The following CYFIP1 variants were observed in gnomAD, a reference collection of about 807,000 sequenced individuals.
CYFIP1 encodes the protein cytoplasmic FMR1-interacting protein 1.
In CYFIP1, 58 loss-of-function variants were observed where a neutral mutation model predicts 163.5. That is an observed-to-expected ratio of 0.35 (90% confidence interval 0.29 to 0.44). CYFIP1 has a LOEUF of 0.44. CYFIP1 is among the 20% of genes least tolerant of loss of function. The pLI, the probability that CYFIP1 is intolerant of heterozygous loss-of-function variation, is 1.00. For synonymous variants in CYFIP1, 663 were observed against 660.7 expected, an observed-to-expected ratio of 1.00 and a Z score of -0.05; for missense variants, 1,338 against 1,653.8, an observed-to-expected ratio of 0.81 and a Z score of 3.31.
At chr15:22,942,418 G>A (rs1179601232) in intron 6 of CYFIP1, among the ~76,000 whole-genome samples, 1 of 151,704 alleles carries the variant, frequency 6.6e-6, no homozygotes, top group Admixed American at 6.5e-5. Context: ...CAGAGCAAGA[G>A]CATCAGGAGA....
At chr15:22,911,098 T>C (rs1298265100) in intron 18 of CYFIP1, among the ~76,000 whole-genome samples, 1 of 151,944 alleles carries the variant, frequency 6.6e-6, no homozygotes, top group African/African-American at 2.4e-5. Flanking sequence ...TCCTGGCTAC[T>C]CGGGAGGCTA....
intron 22 of CYFIP1, among the ~76,000 whole-genome samples, chr15:22,902,816 C>T (rs535271285): frequency 6.6e-6 from 1 of 152,172 alleles, no homozygotes; most frequent in Admixed American, 6.5e-5. Flanking sequence ...GGTCCTGCAC[C>T]CAGGGGTCCT....
chr15:22,951,139 G>C (rs906247740), intron 1 of CYFIP1, among the ~76,000 whole-genome samples: 30 of 152,214 alleles, frequency 2.0e-4, no homozygotes, highest in African/African-American at 4.1e-4. Flanking sequence ...CCCCAATGGC[G>C]GCTGGAGACG....
At position 22,868,149 on chromosome 15, in the gene CYFIP1, G is replaced by A. The variant is rs376349866; in HGVS notation, c.*1879C>T. The A allele has an allele frequency of 1.3e-5, 2 of 152,226 alleles. No individual in the cohort carries two copies. The highest frequency in any genetic ancestry group is 3.8e-4 in the East Asian group (2 of 5,204). 9.4% of individuals were successfully genotyped at this position (152,226 alleles called of 1,614,324 possible). A position where few individuals can be genotyped will look rare whatever the true frequency, so the allele number is the denominator to read the frequency against. ...TATCCCATGCAGCTCACCACTGGCT[G>A]CGTGGAAACTCCCTTTTTTCCAACT... On this transcript the variant is annotated 3_prime_UTR_variant, in exon 31 of 31. Transcript: ENST00000617928.
chr15:22,916,364 C>T, intron 16 of CYFIP1, 113 bp downstream of exon 16: 2 of 789,902 alleles, frequency 2.5e-6, no homozygotes, highest in Non-Finnish European at 4.1e-6. Flanking sequence ...GAGTCACCGT[C>T]TGGGTGCACC....
intron 16 of CYFIP1, among the ~76,000 whole-genome samples, chr15:22,915,513 G>A (rs2060943126): frequency 6.6e-6 from 1 of 152,132 alleles, no homozygotes; most frequent in South Asian, 2.1e-4. Flanking sequence ...CACTTTGGGA[G>A]GCCGAGGCGG....
chr15:22,906,376 G>C (rs563147479), intron 21 of CYFIP1, among the ~76,000 whole-genome samples: 1 of 151,900 alleles, frequency 6.6e-6, no homozygotes, highest in African/African-American at 2.4e-5. Flanking sequence ...CAAAAGTGCT[G>C]GGATTACAGG....
chr15:22,977,853 CAT>C (rs2063329241), intron 1 of CYFIP1, among the ~76,000 whole-genome samples: 1 of 151,896 alleles, frequency 6.6e-6, no homozygotes, highest in African/African-American at 2.4e-5. Flanking sequence ...AATAAAATAA[CAT>C]AACATAAAAG....
At chr15:22,936,230 C>T (rs1019061584) in intron 9 of CYFIP1, among the ~76,000 whole-genome samples, 13 of 152,060 alleles carry the variant, frequency 8.5e-5, no homozygotes, top group African/African-American at 2.7e-4. Context: ...AGAGCGAGGG[C>T]CTGTCTCAAA....
In CYFIP1 at chr15:22,903,707, G is replaced by C; in HGVS notation, c.2587C>G (p.Arg863Gly). 1 of 1,613,260 alleles carries C rather than the reference G, an allele frequency of 6.2e-7. No homozygotes were observed. The highest frequency in any genetic ancestry group is 8.5e-7 in the Non-Finnish European group (1 of 1,179,964). Residue 863 changes from arginine (R) to glycine (G), a missense_variant and splice_region_variant, in exon 22 of 31, where the codon CGG (arginine) becomes GGG (glycine). Arg to Gly is a moderately radical substitution (Grantham distance 125, BLOSUM62 -2). Around this residue, in one of 4 missense-constraint regions of CYFIP1, gnomAD observed 824 missense variants for 995.7 expected, o/e 0.83. Transcript: ENST00000617928. ...CGCCTGTGTGGCGGGCACGCTCACC[G>C]GTTGGTAGAGCCGTTGTAGCAGTAG... Reference protein sequence around the residue: ...PNYCYNGSTNRFVRTVLPFSQ... With the variant: ...PNYCYNGSTNGFVRTVLPFSQ...
chr15:22,944,805 T>TGTGGCAGGGGC (rs1176196074), intron 4 of CYFIP1, 57 bp downstream of exon 4: 2 of 1,571,870 alleles, frequency 1.3e-6, no homozygotes. Flanking sequence ...AGGGGTGTGG[T>TGTGGCAGGGGC]GTGGCAGGGG....
intron 26 of CYFIP1, among the ~76,000 whole-genome samples, chr15:22,876,270 C>T (rs1156795680): frequency 6.6e-6 from 1 of 152,024 alleles, no homozygotes; most frequent in Non-Finnish European, 1.5e-5. Context: ...GCAGACTTTT[C>T]CGTACTCATC....
chr15:22,924,703 T>C (rs1453814059), intron 13 of CYFIP1, among the ~76,000 whole-genome samples: 1 of 128,044 alleles, frequency 7.8e-6, no homozygotes, highest in Non-Finnish European at 1.6e-5. Flanking sequence ...ATGGGTGAAC[T>C]GTATGGTTAT....
chr15:22,931,001 C>G (rs544119255), intron 11 of CYFIP1, among the ~76,000 whole-genome samples: 2 of 152,270 alleles, frequency 1.3e-5, no homozygotes, highest in Non-Finnish European at 2.9e-5. Context: ...TGCCCAAACG[C>G]TTGCCAGGGG....
chr15:22,902,157 C>T (rs1286614526), intron 22 of CYFIP1, among the ~76,000 whole-genome samples: 1 of 152,202 alleles, frequency 6.6e-6, no homozygotes, highest in Non-Finnish European at 1.5e-5. Context: ...TGCCTGTGTC[C>T]AGGGTCCCCC....
In CYFIP1 at chr15:22,927,786, A is replaced by G. The variant is rs1446472694; in HGVS notation, c.1233+120T>C. On this transcript the variant is annotated intron_variant, in intron 12 of 30. Coordinates refer to ENST00000617928, the MANE Select transcript of CYFIP1 (RefSeq NM_014608.6). ...TTAAAATCACCTTGGAAACATATCTACTGATAGATATTCTCGTCTTTCTAG... is the reference window on the plus strand; with the variant it reads ...TTAAAATCACCTTGGAAACATATCTGCTGATAGATATTCTCGTCTTTCTAG... 15 of 970,242 alleles carry G rather than the reference A, an allele frequency of 1.5e-5. No individual in the cohort carries two copies. The East Asian group carries it at 4.7e-4, about 31-fold the overall frequency. The allele number at this position is 970,242 out of a possible 1,614,324, so 60.1% of individuals were successfully genotyped here.
intron 22 of CYFIP1, among the ~76,000 whole-genome samples, chr15:22,896,397 G>A (rs2060236906): frequency 6.6e-6 from 1 of 151,948 alleles, no homozygotes; most frequent in Non-Finnish European, 1.5e-5. Context: ...GGAAATTCAA[G>A]GGCATTAATT....
In CYFIP1 at chr15:22,958,097, C is replaced by CTTT. The variant is rs57822590; in HGVS notation, c.-6-10809_-6-10807dup. Among the ~76,000 whole-genome samples the CTTT allele has an allele frequency of 4.8e-3, 685 of 141,378 alleles. 8 individuals are homozygous for CTTT. Among genetic ancestry groups the CTTT allele is most frequent in the African/African-American group, 0.017 (651 of 38,544 alleles). 92.7% of individuals were successfully genotyped at this position (141,378 alleles called of 152,430 possible). A position where few individuals can be genotyped will look rare whatever the true frequency, so the allele number is the denominator to read the frequency against. ...CTAGCTTTATTACTGAAGTAATTTG[C>CTTT]TTTTTTTTTTTTTTTGAAATGGAGT... On this transcript the variant is annotated intron_variant, in intron 1 of 30. Transcript: ENST00000617928.
In CYFIP1 at chr15:22,904,117, G is replaced by A. The variant is rs2060491968; in HGVS notation, c.2389-212C>T. 8 of 601,182 alleles carry A rather than the reference G, an allele frequency of 1.3e-5. No homozygotes were observed. The South Asian group carries it at 1.6e-4, about 12-fold the overall frequency. 37.2% of individuals were successfully genotyped at this position (601,182 alleles called of 1,614,324 possible). ...CCACTGGGTCATGCCTTTCTCCACT[G>A]CAGTCACCTCCACGCCACCTACCCC... On this transcript the variant is annotated intron_variant, in intron 21 of 30. Transcript: ENST00000617928.
Sources: gnomAD v4.1 joint callset for allele counts (sites outside exome capture counted in the v4.1 genomes callset) on GRCh38, gnomAD v4.1.1 for gene constraint, gnomAD v4.1.1 regional missense constraint, MANE v1.5 for transcripts, NCBI Gene and HGNC (gene_info 2026-07-23, HGNC 2026-07-21) for gene names.